The following CSMD1 variants were observed in gnomAD, a reference collection of about 807,000 sequenced individuals.
CSMD1 encodes CUB and Sushi multiple domains 1, also known as CUB and sushi domain-containing protein 1.
In CSMD1, 213 loss-of-function variants were observed where a neutral mutation model predicts 417.5. The ratio of observed to expected loss-of-function variants is 0.51; its 90% CI spans 0.46 to 0.57. The LOEUF is 0.57. Among genes scored for constraint, CSMD1 ranks in the 20% least tolerant of loss-of-function variants. The pLI is 0.00. For synonymous variants in CSMD1, 2,862 were observed against 1,736.8 expected (o/e 1.65, Z -16.11); for missense variants, 6,923 against 4,529.7 (o/e 1.53, Z -15.17).
At chr8:4,573,170 A>G (rs1798967319) in intron 2 of CSMD1, among the ~76,000 whole-genome samples, 1 of 152,062 alleles carries the variant, frequency 6.6e-6, no homozygotes, top group African/African-American at 2.4e-5. Context: ...GCTGGCAAGG[A>G]GTTGTGATCC....
intron 3 of CSMD1, among the ~76,000 whole-genome samples, chr8:4,216,638 C>A (rs1206861501): frequency 6.6e-6 from 1 of 152,164 alleles, no homozygotes; most frequent in Admixed American, 6.5e-5. Flanking sequence ...GCCTCACAGC[C>A]CTGTGTTCTT....
Position 4,032,023 on chromosome 8 carries a change from T to G in CSMD1, c.492A>C (p.Gly164=). The G allele has an allele frequency of 6.2e-7, 1 of 1,613,982 alleles. No homozygotes were observed. Among genetic ancestry groups the G allele is most frequent in the Non-Finnish European group, 8.5e-7 (1 of 1,179,878 alleles). Residue 164 remains glycine, a synonymous_variant, in exon 4 of 70, where the codon GGA becomes GGC. Coordinates refer to ENST00000635120, the MANE Select transcript of CSMD1 (RefSeq NM_033225.6). Reference sequence around the variant, plus strand: ...GGAGGCAGCTGTACCGGATTTTGTCTCCTATGTTGAATCTCGTTCCATGCA... The same window carrying G: ...GGAGGCAGCTGTACCGGATTTTGTCGCCTATGTTGAATCTCGTTCCATGCA... ...GVLHGTRFNI[G]DKIRYSCLPG...
intron 52 of CSMD1, among the ~76,000 whole-genome samples, chr8:3,015,600 G>A (rs896346666): frequency 1.3e-5 from 2 of 151,940 alleles, no homozygotes; most frequent in African/African-American, 2.4e-5. Flanking sequence ...GGCGTCTTGT[G>A]AAATTATATA....
intron 4 of CSMD1, among the ~76,000 whole-genome samples, chr8:4,024,796 G>A (rs1269167147): frequency 1.3e-5 from 2 of 152,198 alleles, no homozygotes; most frequent in Non-Finnish European, 2.9e-5. Flanking sequence ...GACAGCTTGT[G>A]ACTGGGAACT....
chr8:3,286,323 A>T (rs535347830), intron 25 of CSMD1, among the ~76,000 whole-genome samples: 1 of 152,090 alleles, frequency 6.6e-6, no homozygotes, highest in Non-Finnish European at 1.5e-5. Context: ...ATGATTTATA[A>T]TCCTTTGGGT....
intron 1 of CSMD1, among the ~76,000 whole-genome samples, chr8:4,700,891 G>C (rs1226012082): frequency 1.3e-5 from 2 of 152,178 alleles, no homozygotes; most frequent in Non-Finnish European, 2.9e-5. Context: ...CTGTTACATG[G>C]AGAACAAAAC....
chr8:3,574,879 C>T lies in CSMD1; in HGVS notation c.1344+66G>A. 9.8e-6 allele frequency: 15 copies of T among 1,533,928 alleles called. No homozygotes were observed. In the South Asian group the frequency reaches 1.9e-4, roughly 19 times the overall value. ...CGGATAGCATTTGCTGGGCTGTTTG[C>T]TTCAACAATAGATCCTATAAGAGTG... On this transcript the variant is annotated intron_variant, in intron 10 of 69. Coordinates refer to ENST00000635120, the MANE Select transcript of CSMD1 (RefSeq NM_033225.6).
chr8:3,028,106 G>A (rs747575898), intron 51 of CSMD1, among the ~76,000 whole-genome samples: 7 of 152,200 alleles, frequency 4.6e-5, no homozygotes, highest in Middle Eastern at 3.2e-3. Flanking sequence ...TGTGCCAGCC[G>A]CAGAAGCCCT....
At chr8:4,082,075 G>T (rs117134494) in intron 3 of CSMD1, among the ~76,000 whole-genome samples, 1 of 152,060 alleles carries the variant, frequency 6.6e-6, no homozygotes, top group East Asian at 1.9e-4. Context: ...ATTAATTGAT[G>T]AAGATTACTG....
intron 3 of CSMD1, among the ~76,000 whole-genome samples, chr8:4,345,420 G>A (rs1330507649): frequency 6.6e-6 from 1 of 152,020 alleles, no homozygotes; most frequent in East Asian, 1.9e-4. Flanking sequence ...ACAATGTATA[G>A]TGATCAAATC....
At position 4,890,293 on chromosome 8, in the gene CSMD1, C is replaced by T. The variant is rs138086011; in HGVS notation, c.85+104039G>A. ...GAGAAACGAGAAATGCAAATGTCTA[C>T]GAAGTAAGCTGAAAAGGAGAGAGAA... On this transcript the variant is annotated intron_variant, in intron 1 of 69. Coordinates refer to ENST00000635120, the MANE Select transcript of CSMD1 (RefSeq NM_033225.6). 3.1e-3 allele frequency among the ~76,000 whole-genome samples: 466 copies of T among 152,184 alleles called. 10 individuals carry two copies. In the South Asian group the frequency reaches 0.034, roughly 11 times the overall value.
At chr8:4,844,244 C>T (rs1801007137) in intron 1 of CSMD1, among the ~76,000 whole-genome samples, 1 of 152,092 alleles carries the variant, frequency 6.6e-6, no homozygotes, top group Non-Finnish European at 1.5e-5. Context: ...TTACATTTTC[C>T]AGCTAAAACT....
chr8:4,163,988 G>A (rs568842407), intron 3 of CSMD1, among the ~76,000 whole-genome samples: 1 of 152,174 alleles, frequency 6.6e-6, no homozygotes, highest in Non-Finnish European at 1.5e-5. Flanking sequence ...TGGGATTGAG[G>A]AATAATCGTG....
At chr8:3,644,666 G>C (rs1173763301) in intron 7 of CSMD1, among the ~76,000 whole-genome samples, 2 of 152,156 alleles carry the variant, frequency 1.3e-5, no homozygotes, top group Non-Finnish European at 2.9e-5. Context: ...GCAGGTTCAA[G>C]TGGCTGAAGA....
At chr8:4,237,803 G>A (rs1350602765) in intron 3 of CSMD1, among the ~76,000 whole-genome samples, 1 of 152,150 alleles carries the variant, frequency 6.6e-6, no homozygotes, top group Non-Finnish European at 1.5e-5. Context: ...ATGGGCCACA[G>A]TACCTGGCCC....
At chr8:3,582,194 C>G (rs934609461) in intron 9 of CSMD1, among the ~76,000 whole-genome samples, 1 of 152,180 alleles carries the variant, frequency 6.6e-6, no homozygotes, top group African/African-American at 2.4e-5. Context: ...CAGCAAAGAA[C>G]GATTCCCTGT....
intron 3 of CSMD1, among the ~76,000 whole-genome samples, chr8:4,053,636 G>C (rs111806005): frequency 5.9e-5 from 9 of 151,936 alleles, no homozygotes; most frequent in Non-Finnish European, 1.0e-4. Context: ...CATTTGTCTT[G>C]CATAGAGTGT....
chr8:4,643,470 T>C (rs1168066928), intron 1 of CSMD1, among the ~76,000 whole-genome samples: 2 of 152,140 alleles, frequency 1.3e-5, no homozygotes, highest in Admixed American at 6.5e-5. Context: ...AAACATTGCC[T>C]TACTCCTACT....
At chr8:4,373,639 A>G (rs1425571783) in intron 3 of CSMD1, among the ~76,000 whole-genome samples, 1 of 152,148 alleles carries the variant, frequency 6.6e-6, no homozygotes, top group African/African-American at 2.4e-5. Context: ...TCTTTTCTAA[A>G]AATATTATGG....
Sources: gnomAD v4.1 joint callset for allele counts (sites outside exome capture counted in the v4.1 genomes callset) on GRCh38, gnomAD v4.1.1 for gene constraint, MANE v1.5 for transcripts, NCBI Gene and HGNC (gene_info 2026-07-23, HGNC 2026-07-21) for gene names.